ZBTB20: variants seen among roughly 807,000 people sequenced by gnomAD.
ZBTB20 encodes the protein zinc finger and BTB domain-containing protein 20.
In ZBTB20, 9 loss-of-function variants were observed where a neutral mutation model predicts 56.9. The ratio of observed to expected loss-of-function variants is 0.16; its 90% CI spans 0.10 to 0.28. ZBTB20 has a LOEUF of 0.28. Ranked by LOEUF, ZBTB20 falls within the 10% of genes least tolerant of loss-of-function variation. The probability of loss-of-function intolerance (pLI) is 1.00; values close to 1 mark genes in which losing one functional copy is unlikely to be tolerated. For missense variants in ZBTB20, 655 were observed against 1,003.0 expected, an observed-to-expected ratio of 0.65 and a Z score of 4.69; for synonymous variants, 417 against 420.7, an observed-to-expected ratio of 0.99 and a Z score of 0.11.
chr3:115,087,812 C>T (rs970593798), intron 1 of ZBTB20, among the ~76,000 whole-genome samples: 3 of 151,922 alleles, frequency 2.0e-5, no homozygotes, highest in Non-Finnish European at 2.9e-5. Context: ...AAAACCTCAC[C>T]CACATGCCAT....
chr3:114,962,446 G>T (rs1034093279), intron 3 of ZBTB20, among the ~76,000 whole-genome samples: 4 of 152,078 alleles, frequency 2.6e-5, no homozygotes, highest in African/African-American at 9.7e-5. Flanking sequence ...CAGACAGACA[G>T]CCCGATAGAT....
chr3:114,356,253 C>A (rs1375557181), intron 10 of ZBTB20: 1 of 152,152 alleles, frequency 6.6e-6, no homozygotes, highest in Non-Finnish European at 1.5e-5. Context: ...TTTGCAGGAA[C>A]GTTGCTCCTG....
intron 4 of ZBTB20, among the ~76,000 whole-genome samples, chr3:114,818,432 C>T (rs2073064244): frequency 6.6e-6 from 1 of 151,888 alleles, no homozygotes. Context: ...TCAAATTATC[C>T]TATAATGTTT....
intron 4 of ZBTB20, among the ~76,000 whole-genome samples, chr3:114,849,270 T>G (rs968923848): frequency 6.6e-6 from 1 of 152,232 alleles, no homozygotes; most frequent in African/African-American, 2.4e-5. Context: ...ACATTTCTTT[T>G]AAGTGTAAGA....
At chr3:114,954,091 T>G (rs762004310) in intron 3 of ZBTB20, among the ~76,000 whole-genome samples, 1 of 152,142 alleles carries the variant, frequency 6.6e-6, no homozygotes, top group East Asian at 1.9e-4. Flanking sequence ...CTGATCTCAC[T>G]GTGAAAGTGC....
At chr3:114,823,917 G>A (rs1050340672) in intron 4 of ZBTB20, among the ~76,000 whole-genome samples, 2 of 151,834 alleles carry the variant, frequency 1.3e-5, no homozygotes, top group Admixed American at 6.6e-5. Context: ...TTAAACCAAA[G>A]CTGTTTTTGA....
intron 6 of ZBTB20, chr3:114,687,320 A>G (rs2062402836): frequency 6.6e-6 from 1 of 151,766 alleles, no homozygotes; most frequent in African/African-American, 2.4e-5. Flanking sequence ...TGGATTTCCA[A>G]CTTCAAAGGG....
At chr3:115,141,635 C>A (rs998353115) in intron 1 of ZBTB20, among the ~76,000 whole-genome samples, 16 of 152,062 alleles carry the variant, frequency 1.1e-4, no homozygotes, top group African/African-American at 3.9e-4. Flanking sequence ...AGTATGAAGG[C>A]CAAAAGAAAA....
At chr3:114,473,603 G>T (rs905117738) in intron 7 of ZBTB20, among the ~76,000 whole-genome samples, 2 of 152,156 alleles carry the variant, frequency 1.3e-5, no homozygotes, top group African/African-American at 4.8e-5. Flanking sequence ...GCTGAGGCAG[G>T]AGGATCACTG....
At chr3:114,951,649 T>C (rs973964816) in intron 3 of ZBTB20, among the ~76,000 whole-genome samples, 2 of 152,104 alleles carry the variant, frequency 1.3e-5, no homozygotes, top group Admixed American at 6.6e-5. Flanking sequence ...ACCAGGTCAA[T>C]TGCCTTTTAA....
At chr3:114,622,187 C>T (rs915391403) in intron 6 of ZBTB20, among the ~76,000 whole-genome samples, 2 of 151,878 alleles carry the variant, frequency 1.3e-5, no homozygotes, top group African/African-American at 4.8e-5. Flanking sequence ...TCCTGGGAGT[C>T]TGGGCAGTTT....
intron 6 of ZBTB20, among the ~76,000 whole-genome samples, chr3:114,639,608 A>C (rs2059449466): frequency 6.6e-6 from 1 of 152,094 alleles, no homozygotes; most frequent in Non-Finnish European, 1.5e-5. Flanking sequence ...AAATCAAATT[A>C]ATTTGAACTT....
intron 1 of ZBTB20, among the ~76,000 whole-genome samples, chr3:115,134,365 C>G (rs2084595927): frequency 6.6e-6 from 1 of 152,180 alleles, no homozygotes; most frequent in South Asian, 2.1e-4. Flanking sequence ...TCTCTGCTCT[C>G]TAAAACTCAG....
chr3:114,794,374 G>T (rs2071195090), intron 5 of ZBTB20, among the ~76,000 whole-genome samples: 1 of 152,018 alleles, frequency 6.6e-6, no homozygotes, highest in African/African-American at 2.4e-5. Context: ...GTTATGATAG[G>T]GGCTTTGATC....
Position 114,339,437 on chromosome 3 carries a change from A to G in ZBTB20, c.1805-11T>C. 6.2e-7 allele frequency: 1 copy of G among 1,610,546 alleles called. No homozygotes were observed. Among genetic ancestry groups the G allele is most frequent in the African/African-American group, 1.3e-5 (1 of 74,980 alleles). ...GGTGGGGCTTCTCACCTGTTGATGT[A>G]GGAAGAGACAGCAAGCAGGACAGAG... On this transcript the variant is annotated splice_polypyrimidine_tract_variant and intron_variant, in intron 11 of 11. Coordinates refer to ENST00000675478, the MANE Select transcript of ZBTB20 (RefSeq NM_001348800.3). This position sits in a 1 kb window ranked among gnomAD's most constrained non-coding sequence, Gnocchi z 4.2.
At chr3:114,968,932 C>T (rs2077759489) in intron 3 of ZBTB20, among the ~76,000 whole-genome samples, 1 of 152,008 alleles carries the variant, frequency 6.6e-6, no homozygotes, top group Admixed American at 6.6e-5. Flanking sequence ...AATACTTTGG[C>T]CTCTCCACAA....
chr3:114,811,254 T>C (rs2072496293), intron 4 of ZBTB20, among the ~76,000 whole-genome samples: 1 of 152,220 alleles, frequency 6.6e-6, no homozygotes, highest in African/African-American at 2.4e-5. Context: ...CAGGTTATAC[T>C]TCCTTGGGAA....
chr3:114,547,250 T>C (rs116757284), intron 6 of ZBTB20, among the ~76,000 whole-genome samples: 2,398 of 152,020 alleles, frequency 0.016, 32 homozygotes, highest in Middle Eastern at 0.037. Context: ...AAATGAGACA[T>C]AGAAAATTAT....
At chr3:115,004,658 C>T (rs1246599854) in intron 2 of ZBTB20, among the ~76,000 whole-genome samples, 1 of 151,728 alleles carries the variant, frequency 6.6e-6, no homozygotes, top group Non-Finnish European at 1.5e-5. Context: ...ATTCTTCTCA[C>T]ACAGAACACT....
Sources: gnomAD v4.1 joint callset for allele counts (sites outside exome capture counted in the v4.1 genomes callset) on GRCh38, gnomAD v4.1.1 for gene constraint, Gnocchi (gnomAD v3.1) non-coding constraint, MANE v1.5 for transcripts, NCBI Gene and HGNC (gene_info 2026-07-23, HGNC 2026-07-21) for gene names.